Variants in GRIK1 observed in about 807,000 individuals in gnomAD.
GRIK1 encodes the protein glutamate ionotropic receptor kainate type subunit 1.
A neutral mutation model predicts 105.7 loss-of-function variants in GRIK1; 69 were observed. The ratio of observed to expected loss-of-function variants is 0.65; its 90% CI spans 0.54 to 0.80. The LOEUF is 0.80. GRIK1 is among the 30% of genes least tolerant of loss of function. The pLI, the probability that GRIK1 is intolerant of heterozygous loss-of-function variation, is 0.00. For synonymous variants in GRIK1, 438 were observed against 431.3 expected, an observed-to-expected ratio of 1.02 and a Z score of -0.19; for missense variants, 1,109 against 1,167.3, an observed-to-expected ratio of 0.95 and a Z score of 0.73.
intron 7 of GRIK1, among the ~76,000 whole-genome samples, chr21:29,603,834 T>A (rs976890278): frequency 2.0e-5 from 3 of 152,234 alleles, no homozygotes; most frequent in African/African-American, 7.2e-5. Context: ...AGGCCCCTTC[T>A]TCATGCCTCT....
intron 8 of GRIK1, chr21:29,597,690 T>C (rs974858131): frequency 1.3e-5 from 6 of 462,632 alleles, no homozygotes; most frequent in South Asian, 6.4e-5. Context: ...AGAGACATTT[T>C]TGAAGTGAGT....
chr21:29,861,920 C>G (rs2068653410), intron 1 of GRIK1, among the ~76,000 whole-genome samples: 1 of 151,960 alleles, frequency 6.6e-6, no homozygotes, highest in Non-Finnish European at 1.5e-5. Flanking sequence ...GTTTTGTAGT[C>G]CTTGTTATGT....
At chr21:29,760,773 T>G (rs1383758185) in intron 1 of GRIK1, among the ~76,000 whole-genome samples, 2 of 152,184 alleles carry the variant, frequency 1.3e-5, no homozygotes, top group Non-Finnish European at 2.9e-5. Flanking sequence ...TTTATACAGT[T>G]AAAGCTGTAG....
Position 29,869,911 on chromosome 21 carries a change from G to A in GRIK1, c.118+69472C>T, listed in dbSNP as rs545382363. Among the ~76,000 whole-genome samples, 422 of 152,196 alleles carry A rather than the reference G, an allele frequency of 2.8e-3. 2 individuals are homozygous for A. Among genetic ancestry groups the A allele is most frequent in the African/African-American group, 9.3e-3 (387 of 41,528 alleles). On this transcript the variant is annotated intron_variant, in intron 1 of 17. Transcript: ENST00000327783. ...CTGAGTATAATTTATATATTTTTAT[G>A]TAATATAGTGTAAACTGCACTTTTG...
intron 1 of GRIK1, among the ~76,000 whole-genome samples, chr21:29,873,412 C>T (rs374270723): frequency 2.6e-5 from 4 of 152,334 alleles, no homozygotes; most frequent in African/African-American, 7.2e-5. Context: ...TCTGCTTTGA[C>T]ACTTAACAGG....
At chr21:29,885,182 T>C (rs2069565721) in intron 1 of GRIK1, among the ~76,000 whole-genome samples, 1 of 152,070 alleles carries the variant, frequency 6.6e-6, no homozygotes, top group Non-Finnish European at 1.5e-5. Context: ...GTATTTATTG[T>C]GTTGACCGTG....
intron 1 of GRIK1, among the ~76,000 whole-genome samples, chr21:29,768,916 G>T (rs1301895449): frequency 6.6e-6 from 1 of 152,154 alleles, no homozygotes; most frequent in Non-Finnish European, 1.5e-5. Flanking sequence ...AGTGAATACC[G>T]TGTTTACTTC....
chr21:29,576,901 G>C, intron 14 of GRIK1, 63 bp downstream of exon 14: 1 of 771,260 alleles, frequency 1.3e-6, no homozygotes, highest in Non-Finnish European at 2.0e-6. Flanking sequence ...TTTTTCGACA[G>C]ATTCTTTTAT....
intron 16 of GRIK1, among the ~76,000 whole-genome samples, chr21:29,542,414 G>A (rs192364821): frequency 6.4e-4 from 97 of 152,044 alleles, no homozygotes; most frequent in Non-Finnish European, 1.2e-3. Context: ...TTATCCTTCC[G>A]TTGCAAATGT....
At chr21:29,749,573 T>A (rs1397009269) in intron 1 of GRIK1, among the ~76,000 whole-genome samples, 2 of 152,204 alleles carry the variant, frequency 1.3e-5, no homozygotes, top group Non-Finnish European at 2.9e-5. Flanking sequence ...CCAAGCTGCC[T>A]CCTCTTCTGT....
chr21:29,562,181 T>C (rs1353285318), intron 14 of GRIK1, among the ~76,000 whole-genome samples: 1 of 152,184 alleles, frequency 6.6e-6, no homozygotes, highest in Non-Finnish European at 1.5e-5. Flanking sequence ...CCAGCAGGTA[T>C]TGTTTTGCTG....
intron 1 of GRIK1, among the ~76,000 whole-genome samples, chr21:29,839,040 ATTTCT>A (rs57325641): frequency 1.6e-4 from 24 of 150,512 alleles, no homozygotes; most frequent in Admixed American, 7.9e-4. Flanking sequence ...TACTATAGGG[ATTTCT>A]TTTCTTTTCT....
At chr21:29,815,924 G>A (rs568997540) in intron 1 of GRIK1, among the ~76,000 whole-genome samples, 14 of 152,104 alleles carry the variant, frequency 9.2e-5, no homozygotes, top group African/African-American at 3.4e-4. Flanking sequence ...CAAAAGCAAT[G>A]ACAACAAAAA....
At chr21:29,666,360 G>A (rs1438648305) in intron 4 of GRIK1, among the ~76,000 whole-genome samples, 1 of 152,130 alleles carries the variant, frequency 6.6e-6, no homozygotes, top group East Asian at 1.9e-4. Context: ...CCGAGATCAT[G>A]CCATTGCACT....
At chr21:29,789,228 C>G (rs1031281674) in intron 1 of GRIK1, among the ~76,000 whole-genome samples, 3 of 152,176 alleles carry the variant, frequency 2.0e-5, no homozygotes, top group African/African-American at 4.8e-5. Flanking sequence ...CCTTGTTTAC[C>G]TAGGGCAAGG....
At chr21:29,800,227 C>G (rs936736957) in intron 1 of GRIK1, among the ~76,000 whole-genome samples, 1 of 152,118 alleles carries the variant, frequency 6.6e-6, no homozygotes, top group Non-Finnish European at 1.5e-5. Context: ...TTAGCTGCTC[C>G]CTCTAGGCAT....
At chr21:29,628,214 C>A (rs74976102) in intron 7 of GRIK1, among the ~76,000 whole-genome samples, 3,831 of 152,160 alleles carry the variant, frequency 0.025, 170 homozygotes, top group African/African-American at 0.088. Flanking sequence ...GAAGTATACA[C>A]AATAATGGTG....
At chr21:29,598,364 G>A (rs943667615) in intron 8 of GRIK1, among the ~76,000 whole-genome samples, 1 of 152,196 alleles carries the variant, frequency 6.6e-6, no homozygotes, top group Non-Finnish European at 1.5e-5. Context: ...ATTTGCTCCA[G>A]TAAGTCTCTT....
At chr21:29,935,315 A>G (rs1462836237) in intron 1 of GRIK1, among the ~76,000 whole-genome samples, 3 of 152,240 alleles carry the variant, frequency 2.0e-5, no homozygotes, top group Admixed American at 2.0e-4. Flanking sequence ...AATTGCCAGA[A>G]TGCAAACCTC....
Sources: gnomAD v4.1 joint callset for allele counts (sites outside exome capture counted in the v4.1 genomes callset) on GRCh38, gnomAD v4.1.1 for gene constraint, MANE v1.5 for transcripts, NCBI Gene and HGNC (gene_info 2026-07-23, HGNC 2026-07-21) for gene names.